PDGFRL: variants seen among roughly 807,000 people sequenced by gnomAD.
The protein encoded by PDGFRL is platelet derived growth factor receptor like.
PDGFRL carries 46 observed loss-of-function variants against 37.2 expected under a neutral mutation model. The observed-to-expected ratio is 1.24, with a 90% CI of 0.98 to 1.58. The LOEUF (loss-of-function observed/expected upper bound fraction) is 1.58, where lower values mean the gene tolerates loss of function less well. Among genes scored for constraint, PDGFRL ranks in the 40% most tolerant of loss-of-function variants. The probability of loss-of-function intolerance (pLI) is 0.00; values close to 1 mark genes in which losing one functional copy is unlikely to be tolerated. For synonymous variants in PDGFRL, 251 were observed against 184.3 expected, an observed-to-expected ratio of 1.36 and a Z score of -2.93; for missense variants, 692 against 467.6, an observed-to-expected ratio of 1.48 and a Z score of -4.43.
chr8:17,581,346 G>A (rs1443915843), intron 1 of PDGFRL, among the ~76,000 whole-genome samples: 2 of 152,196 alleles, frequency 1.3e-5, no homozygotes, highest in African/African-American at 4.8e-5. Context: ...CGTGGGACGG[G>A]AGCTGGCCAA....
At chr8:17,632,905 C>T (rs528806820) in intron 4 of PDGFRL, among the ~76,000 whole-genome samples, 1 of 152,316 alleles carries the variant, frequency 6.6e-6, no homozygotes, top group Admixed American at 6.5e-5. Flanking sequence ...GATTTTAGTT[C>T]AAACAGCGCT....
intron 5 of PDGFRL, among the ~76,000 whole-genome samples, chr8:17,638,630 C>G (rs759657913): frequency 9.3e-5 from 14 of 150,588 alleles, no homozygotes; most frequent in Non-Finnish European, 1.9e-4. Flanking sequence ...CTATCTATTG[C>G]TGACAGTGGA....
At chr8:17,588,222 C>A (rs1385178783) in intron 1 of PDGFRL, among the ~76,000 whole-genome samples, 1 of 152,146 alleles carries the variant, frequency 6.6e-6, no homozygotes, top group Admixed American at 6.5e-5. Flanking sequence ...ATCGTTGCTA[C>A]AGTTACAGTT....
intron 5 of PDGFRL, 35 bp from the exon 6 acceptor site, chr8:17,642,578 C>T: frequency 1.5e-6 from 2 of 1,373,744 alleles, no homozygotes; most frequent in East Asian, 2.3e-5. Flanking sequence ...CAGCTTGTCC[C>T]TCTTGCTTCA....
chr8:17,606,886 GTTTTTTTGTTTTTTTTTTT>G (rs1804290699), intron 2 of PDGFRL, among the ~76,000 whole-genome samples: 1 of 138,262 alleles, frequency 7.2e-6, no homozygotes, highest in African/African-American at 2.8e-5. Context: ...TTCGTTTTTT[GTTTTTTTGTTTTTTTTTTT>G]TTTTTTTTGA....
intron 1 of PDGFRL, among the ~76,000 whole-genome samples, chr8:17,580,666 G>T (rs1430738161): frequency 6.6e-6 from 1 of 152,264 alleles, no homozygotes; most frequent in African/African-American, 2.4e-5. Flanking sequence ...ATGAATCAGG[G>T]TCTATTAGGT....
chr8:17,585,663 C>T (rs1803799833), intron 1 of PDGFRL, among the ~76,000 whole-genome samples: 1 of 152,086 alleles, frequency 6.6e-6, no homozygotes, highest in Non-Finnish European at 1.5e-5. Flanking sequence ...GGCCTTTCCC[C>T]TTTACTGCCC....
chr8:17,630,931 T>C (rs1804848668), intron 4 of PDGFRL, among the ~76,000 whole-genome samples: 1 of 152,202 alleles, frequency 6.6e-6, no homozygotes. Context: ...AGCTGCAGCA[T>C]GGCTGAAAGA....
intron 4 of PDGFRL, among the ~76,000 whole-genome samples, chr8:17,630,506 A>G (rs1001719651): frequency 6.6e-6 from 1 of 152,110 alleles, no homozygotes; most frequent in African/African-American, 2.4e-5. Flanking sequence ...TCTGGTTTCT[A>G]AGACTGTTTG....
intron 1 of PDGFRL, among the ~76,000 whole-genome samples, chr8:17,588,073 C>T (rs1803854618): frequency 6.6e-6 from 1 of 152,128 alleles, no homozygotes; most frequent in Non-Finnish European, 1.5e-5. Context: ...GGGTGCCTTA[C>T]TTATAGAGAA....
At chr8:17,624,365 C>G (rs1359196868) in intron 3 of PDGFRL, among the ~76,000 whole-genome samples, 5 of 152,198 alleles carry the variant, frequency 3.3e-5, no homozygotes, top group African/African-American at 1.2e-4. Flanking sequence ...GTATGTATTT[C>G]CTCTTTCATC....
upstream of PDGFRL, chr8:17,576,854 C>T: frequency 3.7e-6 from 1 of 268,764 alleles, no homozygotes; most frequent in Non-Finnish European, 6.2e-6. Flanking sequence ...GGAGGTGGGG[C>T]GGGCGCTGGT....
chr8:17,615,409 G>A (rs548309654), intron 2 of PDGFRL, among the ~76,000 whole-genome samples: 13 of 152,152 alleles, frequency 8.5e-5, no homozygotes, highest in African/African-American at 2.9e-4. Context: ...TTTCATTTCT[G>A]TAGGATGAAA....
At position 17,639,779 on chromosome 8, in the gene PDGFRL, T is replaced by C. The variant is rs190947103; in HGVS notation, c.940-2834T>C. ...TAGGTGACGATCTTTTTGCAATGAA[T>C]TTCTCAGGTGTTCTTTGAGCTTCTT... On this transcript the variant is annotated intron_variant, in intron 5 of 5. Coordinates refer to ENST00000251630, the MANE Select transcript of PDGFRL (RefSeq NM_001372073.1). 2.3e-3 allele frequency among the ~76,000 whole-genome samples: 344 copies of C among 152,324 alleles called. 1 individual carries two copies. Among genetic ancestry groups the C allele is most frequent in the African/African-American group, 7.8e-3 (326 of 41,570 alleles).
chr8:17,577,158 C>A, upstream of PDGFRL: 2 of 1,531,142 alleles, frequency 1.3e-6, no homozygotes, highest in South Asian at 2.4e-5. Flanking sequence ...CCCGCTTCGG[C>A]GTCCCAGGAG....
upstream of PDGFRL, chr8:17,577,056 A>C (rs1803597754): frequency 2.9e-6 from 2 of 684,096 alleles, no homozygotes; most frequent in Non-Finnish European, 4.6e-6. Flanking sequence ...GCCAGGGGGC[A>C]GGAGAAGTCA....
intron 1 of PDGFRL, among the ~76,000 whole-genome samples, chr8:17,578,487 C>G (rs753779763): frequency 6.6e-6 from 1 of 152,204 alleles, no homozygotes; most frequent in Non-Finnish European, 1.5e-5. Context: ...GAGAGTAACA[C>G]TTAACTCTGC....
upstream of PDGFRL, chr8:17,577,102 C>CA: frequency 4.9e-6 from 4 of 814,364 alleles, no homozygotes; most frequent in Non-Finnish European, 4.9e-6. Context: ...AAAAATTCCC[C>CA]AACTTTTTCC....
At chr8:17,640,832 C>T (rs375261257) in intron 5 of PDGFRL, among the ~76,000 whole-genome samples, 58 of 152,218 alleles carry the variant, frequency 3.8e-4, no homozygotes, top group African/African-American at 1.2e-3. Flanking sequence ...GACCCTAGAG[C>T]TCCCAAGAGA....
Sources: gnomAD v4.1 joint callset for allele counts (sites outside exome capture counted in the v4.1 genomes callset) on GRCh38, gnomAD v4.1.1 for gene constraint, MANE v1.5 for transcripts, NCBI Gene and HGNC (gene_info 2026-07-23, HGNC 2026-07-21) for gene names.